CAMSAP3: variants seen among roughly 807,000 people sequenced by gnomAD.
The protein encoded by CAMSAP3 is calmodulin regulated spectrin associated protein family member 3.
CAMSAP3 carries 34 observed loss-of-function variants against 112.5 expected under a neutral mutation model. The observed-to-expected ratio is 0.30, with a 90% CI of 0.23 to 0.40. The LOEUF is 0.40. Among genes scored for constraint, CAMSAP3 ranks in the 10% least tolerant of loss-of-function variants. The probability of loss-of-function intolerance (pLI) is 1.00; values close to 1 mark genes in which losing one functional copy is unlikely to be tolerated. For synonymous variants in CAMSAP3, 868 were observed against 799.8 expected, an observed-to-expected ratio of 1.09 and a Z score of -1.44; for missense variants, 1,602 against 1,770.3, an observed-to-expected ratio of 0.90 and a Z score of 1.71.
At position 7,617,569 on chromosome 19, in the gene CAMSAP3, G is replaced by A. The variant is rs776926752; in HGVS notation, c.3352G>A (p.Ala1118Thr). ...TGPRLYKEPSAKSNKFIIHNA... is the reference protein window; with the variant it reads ...TGPRLYKEPSTKSNKFIIHNA... Reference sequence around the variant, plus strand: ...TCCACGGCTGTACAAAGAACCCAGCGCCAAGTCCAACAAGTTCATCATCCA... The same window carrying A: ...TCCACGGCTGTACAAAGAACCCAGCACCAAGTCCAACAAGTTCATCATCCA... The change falls in exon 16 of 17, where the codon GCC (alanine) becomes ACC (threonine). Residue 1118 changes from alanine to threonine, a missense_variant. By Grantham distance (58) the Ala-to-Thr change is moderately conservative. This residue lies in a region of CAMSAP3 where 150 missense variants were observed against 207.6 expected (regional missense o/e 0.72). Coordinates refer to ENST00000160298, the MANE Select transcript of CAMSAP3 (RefSeq NM_020902.2). This position sits in a 1 kb window ranked among gnomAD's most constrained non-coding sequence, Gnocchi z 7.5. 11 of 1,613,882 alleles carry A rather than the reference G, an allele frequency of 6.8e-6. No homozygotes were observed. The highest frequency in any genetic ancestry group is 1.1e-5 in the South Asian group (1 of 91,084).
At chr19:7,616,704 C>T (rs1199992415) in intron 14 of CAMSAP3, 82 bp downstream of exon 14, 2 of 1,007,918 alleles carry the variant, frequency 2.0e-6, no homozygotes, top group African/African-American at 1.6e-5. Context: ...CTGGGTGAAC[C>T]TAGAGGGCGG....
chr19:7,602,524 T>A (rs752325483), intron 1 of CAMSAP3, among the ~76,000 whole-genome samples: 1 of 151,826 alleles, frequency 6.6e-6, no homozygotes, highest in Non-Finnish European at 1.5e-5. Flanking sequence ...ATTTGGGAGA[T>A]ATCAGGAAGT....
rs2030585413 is a variant in CAMSAP3, at chr19:7,612,951, G to A, written c.2458G>A (p.Val820Met). 2 of 1,607,458 alleles carry A rather than the reference G, an allele frequency of 1.2e-6. No homozygotes were observed. The highest frequency in any genetic ancestry group is 1.1e-5 in the South Asian group (1 of 90,438). ...CAAGTTCTCGCCGAGCCAGGTGCCC[G>A]TGCAGACGCGCTCTTCCATCCTCCT... ...LRKFSPSQVP[V>M]QTRSSILLAE... is the part of the protein sequence containing the mutation. Residue 820 changes from valine (V) to methionine (M), a missense_variant, in exon 11 of 17, where the codon GTG becomes ATG. Val to Met is a conservative substitution (Grantham distance 21, BLOSUM62 1). Coordinates refer to ENST00000160298, the MANE Select transcript of CAMSAP3 (RefSeq NM_020902.2).
rs774313008 is a variant in CAMSAP3, at chr19:7,618,055, T to C, written c.3748T>C (p.Ter1250GlnextTer77). ...CAAGAAGGGCGGCGGCACCCCCAAATAGCCCCACCCGGGCGGTCCACGGGC... is the reference window on the plus strand; with the variant it reads ...CAAGAAGGGCGGCGGCACCCCCAAACAGCCCCACCCGGGCGGTCCACGGGC... ...TPKKGGGTPK* is the reference protein window; with the variant it reads ...TPKKGGGTPKQ The change falls in exon 17 of 17, where the codon TAG becomes CAG. Residue 1250 changes from the stop codon to glutamine, a stop_lost. Transcript: ENST00000160298. The C allele has an allele frequency of 6.2e-7, 1 of 1,610,668 alleles. No homozygotes were observed. The highest frequency in any genetic ancestry group is 8.5e-7 in the Non-Finnish European group (1 of 1,178,592).
At position 7,607,910 on chromosome 19, in the gene CAMSAP3, C is replaced by T; in HGVS notation, c.622-216C>T. 1.2e-6 allele frequency: 1 copy of T among 829,770 alleles called. No individual in the cohort carries two copies. Among genetic ancestry groups the T allele is most frequent in the Non-Finnish European group, 2.0e-6 (1 of 492,486 alleles). The allele number at this position is 829,770 out of a possible 1,614,324, so 51.4% of individuals were successfully genotyped here. A position where few individuals can be genotyped will look rare whatever the true frequency, so the allele number is the denominator to read the frequency against. On this transcript the variant is annotated intron_variant, in intron 4 of 16. Coordinates refer to ENST00000160298, the MANE Select transcript of CAMSAP3 (RefSeq NM_020902.2). The surrounding 1 kb of genome is among the most constrained non-coding windows in gnomAD (Gnocchi z 4.9). ...CCCGGGGTCCCAGGAGTCCCTGTCCCCAGCCCCCGCTGCTGGCCTGGCTGC... is the reference window on the plus strand; with the variant it reads ...CCCGGGGTCCCAGGAGTCCCTGTCCTCAGCCCCCGCTGCTGGCCTGGCTGC...
rs749609269 is a variant in CAMSAP3, at chr19:7,605,247, G to C, written c.170G>C (p.Trp57Ser). Residue 57 changes from tryptophan (W) to serine (S), a missense_variant, in exon 2 of 17, where the codon TGG becomes TCG. Physicochemically the swap from Trp to Ser is radical, Grantham distance 177. Around this residue, in one of 6 missense-constraint regions of CAMSAP3, gnomAD observed 147 missense variants for 144.6 expected, o/e 1.02. Transcript: ENST00000160298. ...GGAEHVPPELWEPFYTDQYAQ... is the reference protein window; with the variant it reads ...GGAEHVPPELSEPFYTDQYAQ... The stretch of plus-strand genomic sequence containing the variant: ...ACAGAGCACGTGCCCCCGGAGCTGT[G>C]GGAGCCCTTCTATACCGACCAGTAC... The C allele has an allele frequency of 1.9e-6, 3 of 1,568,300 alleles. No homozygotes were observed. The Admixed American group carries it at 5.7e-5, about 30-fold the overall frequency.
rs2030460805 is a variant in CAMSAP3, at chr19:7,611,096, T to C, written c.1051T>C (p.Ser351Pro). ...SPPQNNSGSS[S>P]PVFTFRHPLL... ...GCTGAAGTACGTCTCTCCGTACAGTTCTCCTGTCTTCACCTTCCGCCACCC... is the reference window on the plus strand; with the variant it reads ...GCTGAAGTACGTCTCTCCGTACAGTCCTCCTGTCTTCACCTTCCGCCACCC... Residue 351 changes from serine to proline, a missense_variant and splice_region_variant, in exon 9 of 17, where the codon TCT becomes CCT. Ser to Pro is a moderately conservative substitution (Grantham distance 74, BLOSUM62 -1). Around this residue, in one of 6 missense-constraint regions of CAMSAP3, gnomAD observed 1,100 missense variants for 1,135.7 expected, o/e 0.97. Transcript: ENST00000160298. The surrounding 1 kb of genome is among the most constrained non-coding windows in gnomAD (Gnocchi z 6.9). The C allele has an allele frequency of 6.2e-7, 1 of 1,613,550 alleles. No homozygotes were observed. Among genetic ancestry groups the C allele is most frequent in the South Asian group, 1.1e-5 (1 of 91,084 alleles).
intron 4 of CAMSAP3, among the ~76,000 whole-genome samples, chr19:7,606,980 A>C (rs1180832625): frequency 2.0e-5 from 3 of 152,098 alleles, no homozygotes; most frequent in Admixed American, 2.0e-4. Context: ...CTGTGAACCA[A>C]GAGAAGGGTA....
chr19:7,600,846 TCATC>T (rs1306049729), intron 1 of CAMSAP3, among the ~76,000 whole-genome samples: 2 of 71,286 alleles, frequency 2.8e-5, no homozygotes, highest in South Asian at 1.0e-3. Context: ...ACCTACCCAT[TCATC>T]CATCCATCCA....
rs1161912690 is a variant in CAMSAP3 at position 7,617,519 on chromosome 19, C to T, written c.3326-24C>T. The T allele has an allele frequency of 1.2e-6, 2 of 1,609,988 alleles. No individual in the cohort carries two copies. The highest frequency in any genetic ancestry group is 1.3e-5 in the African/African-American group (1 of 74,836). On this transcript the variant is annotated intron_variant, in intron 15 of 16. Transcript: ENST00000160298. This position sits in a 1 kb window ranked among gnomAD's most constrained non-coding sequence, Gnocchi z 7.5. ...CTGCTCATTCCTGCTGCCCCCCACC[C>T]CCTCCCACTGCCTCACCCTCTAGGT...
chr19:7,616,025 A>G (rs2030769352), intron 13 of CAMSAP3, among the ~76,000 whole-genome samples: 1 of 150,892 alleles, frequency 6.6e-6, no homozygotes, highest in Non-Finnish European at 1.5e-5. Flanking sequence ...GCCCATCTCT[A>G]TTAAAAATAC....
At chr19:7,606,173 C>A in intron 2 of CAMSAP3, 98 bp from the exon 3 acceptor site, 1 of 754,056 alleles carries the variant, frequency 1.3e-6, no homozygotes, top group Non-Finnish European at 2.0e-6. Context: ...CCGTCAAGTC[C>A]CTCCCATCTG....
At chr19:7,602,958 G>A (rs2030036750) in intron 1 of CAMSAP3, among the ~76,000 whole-genome samples, 1 of 152,094 alleles carries the variant, frequency 6.6e-6, no homozygotes, top group South Asian at 2.1e-4. Context: ...GGGCAGGGAG[G>A]AAGTGAGCCT....
In CAMSAP3 at chr19:7,615,925, C is replaced by T. The variant is rs901550306; in HGVS notation, c.3112+206C>T. On this transcript the variant is annotated intron_variant, in intron 13 of 16. Coordinates refer to ENST00000160298, the MANE Select transcript of CAMSAP3 (RefSeq NM_020902.2). This position sits in a 1 kb window ranked among gnomAD's most constrained non-coding sequence, Gnocchi z 6.5. ...CCATAGGGGGCCGGGCGCGGTGGCTCACGCCTGTAATCCCAGCACTTTGGG... is the reference window on the plus strand; with the variant it reads ...CCATAGGGGGCCGGGCGCGGTGGCTTACGCCTGTAATCCCAGCACTTTGGG... 2.6e-5 allele frequency among the ~76,000 whole-genome samples: 4 copies of T among 152,078 alleles called. No individual in the cohort carries two copies. Among genetic ancestry groups the T allele is most frequent in the Non-Finnish European group, 4.4e-5 (3 of 67,994 alleles).
chr19:7,606,211 G>T, intron 2 of CAMSAP3, 60 bp from the exon 3 acceptor site: 1 of 1,532,144 alleles, frequency 6.5e-7, no homozygotes. Context: ...CAGGCCCTTG[G>T]GGGCCGAGGT....
Position 7,610,800 on chromosome 19 carries a change from C to T in CAMSAP3, c.994+7C>T. 6.2e-7 allele frequency: 1 copy of T among 1,613,066 alleles called. No individual in the cohort carries two copies. The highest frequency in any genetic ancestry group is 8.5e-7 in the Non-Finnish European group (1 of 1,179,874). On this transcript the variant is annotated splice_region_variant and intron_variant, in intron 7 of 16. Transcript: ENST00000160298. This position sits in a 1 kb window ranked among gnomAD's most constrained non-coding sequence, Gnocchi z 4.9. Reference sequence around the variant, plus strand: ...GACTTGCCCGATGGTCACGGTGAGGCCCTGGGGGCCTGGGGGCCGGGTCGG... The same window carrying T: ...GACTTGCCCGATGGTCACGGTGAGGTCCTGGGGGCCTGGGGGCCGGGTCGG...
Position 7,612,090 on chromosome 19 carries a change from C to T in CAMSAP3, c.1597C>T (p.Leu533=), listed in dbSNP as rs1264413983. 6.2e-7 allele frequency: 1 copy of T among 1,608,984 alleles called. No homozygotes were observed. The highest frequency in any genetic ancestry group is 8.5e-7 in the Non-Finnish European group (1 of 1,176,752). ...GACCCCCTCGAAACCATCTCCCTGT[C>T]TGGTGGGGGAGGCATCGAAACCGCC... ...PETPSKPSPC[L]VGEASKPPAP... The change falls in exon 11 of 17, where the codon CTG becomes TTG. Residue 533 remains leucine (L), a synonymous_variant. Coordinates refer to ENST00000160298, the MANE Select transcript of CAMSAP3 (RefSeq NM_020902.2).
In CAMSAP3 at chr19:7,615,143, G is replaced by A; in HGVS notation, c.2671-40G>A. The A allele has an allele frequency of 1.3e-6, 2 of 1,552,002 alleles. No homozygotes were observed. The highest frequency in any genetic ancestry group is 1.7e-6 in the Non-Finnish European group (2 of 1,147,758). On this transcript the variant is annotated intron_variant, in intron 11 of 16. Transcript: ENST00000160298. The surrounding 1 kb of genome is among the most constrained non-coding windows in gnomAD (Gnocchi z 6.5). Reference sequence around the variant, plus strand: ...GGAAGATGGGCCTCCAGCCATGTTGGGGGAGGGGGTGGCTGGCTGGACTCG... The same window carrying A: ...GGAAGATGGGCCTCCAGCCATGTTGAGGGAGGGGGTGGCTGGCTGGACTCG...
chr19:7,614,960 G>C, intron 11 of CAMSAP3: 1 of 609,714 alleles, frequency 1.6e-6, no homozygotes, highest in South Asian at 2.0e-5. Flanking sequence ...TCCCCGTTGG[G>C]TTAAGCAGTG....
Sources: allele counts gnomAD v4.1 joint callset (sites outside exome capture counted in the v4.1 genomes callset), GRCh38; gene constraint gnomAD v4.1.1; regional missense constraint gnomAD v4.1.1; non-coding constraint Gnocchi (gnomAD v3.1); transcripts MANE v1.5; gene names NCBI Gene and HGNC (gene_info 2026-07-23, HGNC 2026-07-21).